Variants in ELP3 observed in about 807,000 individuals in gnomAD.
ELP3 encodes the protein elongator acetyltransferase complex subunit 3.
ELP3 carries 56 observed loss-of-function variants against 74.9 expected under a neutral mutation model. The observed-to-expected ratio is 0.75, with a 90% CI of 0.60 to 0.93. The LOEUF (loss-of-function observed/expected upper bound fraction) is 0.93. Among genes scored for constraint, ELP3 ranks in the 40% least tolerant of loss-of-function variants. The probability of loss-of-function intolerance (pLI) is 0.00; values close to 1 mark genes in which losing one functional copy is unlikely to be tolerated. For synonymous variants in ELP3, 222 were observed against 239.8 expected, an observed-to-expected ratio of 0.93 and a Z score of 0.68; for missense variants, 573 against 686.5, an observed-to-expected ratio of 0.83 and a Z score of 1.85.
chr8:28,101,234 G>A (rs571214684), intron 3 of ELP3, among the ~76,000 whole-genome samples: 23 of 151,690 alleles, frequency 1.5e-4, no homozygotes, highest in Middle Eastern at 3.4e-3. Context: ...CTAACACGAC[G>A]AAAGCCCATC....
rs540566606 is a variant in ELP3, at chr8:28,118,188, A to T, written c.617+5015A>T. Reference sequence around the variant, plus strand: ...TTAATTTTAAATTAGGTTAAAAATGATGTATTGTGACCTATGAGTCAGCAA... The same window carrying T: ...TTAATTTTAAATTAGGTTAAAAATGTTGTATTGTGACCTATGAGTCAGCAA... On this transcript the variant is annotated intron_variant, in intron 7 of 14. Coordinates refer to ENST00000256398, the MANE Select transcript of ELP3 (RefSeq NM_018091.6). 5.9e-5 allele frequency among the ~76,000 whole-genome samples: 9 copies of T among 152,322 alleles called. No homozygotes were observed. In the South Asian group the frequency reaches 1.9e-3, roughly 32 times the overall value.
chr8:28,099,737 A>C, intron 2 of ELP3, 91 bp from the exon 3 acceptor site: 1 of 1,378,760 alleles, frequency 7.3e-7, no homozygotes, highest in Non-Finnish European at 1.0e-6. Context: ...GGAGAGTGAC[A>C]GTTGTTAATG....
chr8:28,189,619 G>C, intron 14 of ELP3, 30 bp from the exon 15 acceptor site: 1 of 1,611,218 alleles, frequency 6.2e-7, no homozygotes, highest in Non-Finnish European at 8.5e-7. Flanking sequence ...TAAAGTGAAT[G>C]CTCCTTTTTT....
intron 14 of ELP3, among the ~76,000 whole-genome samples, chr8:28,186,918 C>T (rs377281818): frequency 1.3e-5 from 2 of 152,316 alleles, no homozygotes; most frequent in East Asian, 3.9e-4. Flanking sequence ...ACCCATAGCA[C>T]TCCCTGTGTC....
intron 10 of ELP3, among the ~76,000 whole-genome samples, chr8:28,153,754 G>A (rs942193976): frequency 1.3e-5 from 2 of 152,186 alleles, no homozygotes; most frequent in South Asian, 2.1e-4. Flanking sequence ...CTTAAAAACC[G>A]TGTTTTCTAC....
chr8:28,164,785 AAGG>A (rs1053757140), intron 14 of ELP3, among the ~76,000 whole-genome samples: 1 of 152,160 alleles, frequency 6.6e-6, no homozygotes, highest in Non-Finnish European at 1.5e-5. Flanking sequence ...TAAGAACTTC[AAGG>A]AGGGCAGATG....
At chr8:28,095,018 T>G (rs894122337) in intron 1 of ELP3, among the ~76,000 whole-genome samples, 3 of 152,262 alleles carry the variant, frequency 2.0e-5, no homozygotes, top group African/African-American at 7.2e-5. Flanking sequence ...TTGCATTCCA[T>G]TTCAATGCCT....
intron 14 of ELP3, among the ~76,000 whole-genome samples, chr8:28,178,756 A>G (rs1814868374): frequency 6.6e-6 from 1 of 152,198 alleles, no homozygotes; most frequent in African/African-American, 2.4e-5. Flanking sequence ...ACAATTTTTC[A>G]CTACTACAGG....
intron 10 of ELP3, among the ~76,000 whole-genome samples, chr8:28,149,679 A>C (rs1813568461): frequency 2.0e-5 from 3 of 151,576 alleles, no homozygotes; most frequent in South Asian, 4.2e-4. Context: ...TTCAATTTCC[A>C]CTCTAATTCT....
At chr8:28,161,595 G>C (rs572395797) in intron 13 of ELP3, among the ~76,000 whole-genome samples, 1 of 139,340 alleles carries the variant, frequency 7.2e-6, no homozygotes, top group East Asian at 2.3e-4. Flanking sequence ...AACAGAGGGA[G>C]ATTCCGTCTC....
Position 28,163,460 on chromosome 8 carries a change from A to G in ELP3, c.1567+1382A>G, listed in dbSNP as rs183681850. On this transcript the variant is annotated intron_variant, in intron 14 of 14. Coordinates refer to ENST00000256398, the MANE Select transcript of ELP3 (RefSeq NM_018091.6). ...TATAATTATGAAAATGTAATGACTC[A>G]GGCTCACTTATAATCATTTAGTGTG... is the stretch of plus-strand genomic sequence containing the variant. 2.7e-3 allele frequency among the ~76,000 whole-genome samples: 416 copies of G among 151,950 alleles called. 1 individual carries two copies. The highest frequency in any genetic ancestry group is 9.1e-3 in the African/African-American group (378 of 41,438).
chr8:28,162,091 G>A lies in ELP3; in HGVS notation c.1567+13G>A. 2 of 1,613,778 alleles carry A rather than the reference G, an allele frequency of 1.2e-6. No homozygotes were observed. The highest frequency in any genetic ancestry group is 1.1e-5 in the South Asian group (1 of 91,042). ...GCTGTGATATCAGGTAACTGGGGGA[G>A]GGCGAAGTTCATGATTCCTTCCCAT... On this transcript the variant is annotated intron_variant, in intron 14 of 14. Coordinates refer to ENST00000256398, the MANE Select transcript of ELP3 (RefSeq NM_018091.6).
At chr8:28,095,981 C>T (rs902767040) in intron 1 of ELP3, among the ~76,000 whole-genome samples, 1 of 152,218 alleles carries the variant, frequency 6.6e-6, no homozygotes, top group Non-Finnish European at 1.5e-5. Context: ...GCAAGTGAAG[C>T]TTCATCAGTA....
At chr8:28,132,221 A>C in intron 8 of ELP3, 57 bp from the exon 9 acceptor site, 1 of 1,587,380 alleles carries the variant, frequency 6.3e-7, no homozygotes, top group Admixed American at 1.7e-5. Flanking sequence ...TTATTTGTGT[A>C]ACAGATGTTA....
intron 7 of ELP3, among the ~76,000 whole-genome samples, chr8:28,120,055 T>G (rs1156793777): frequency 6.6e-6 from 1 of 152,236 alleles, no homozygotes; most frequent in African/African-American, 2.4e-5. Flanking sequence ...AACTTCAGCG[T>G]ACGTTCTTGT....
chr8:28,172,454 C>T (rs1814567663), intron 14 of ELP3, among the ~76,000 whole-genome samples: 2 of 152,012 alleles, frequency 1.3e-5, no homozygotes, highest in African/African-American at 4.8e-5. Context: ...TCATTGTAAG[C>T]ATATAGAAAT....
intron 14 of ELP3, among the ~76,000 whole-genome samples, chr8:28,183,762 C>T (rs894732817): frequency 3.3e-5 from 5 of 152,248 alleles, no homozygotes; most frequent in African/African-American, 1.2e-4. Flanking sequence ...TAGCAGGGCA[C>T]CCTGAGGCCG....
intron 10 of ELP3, among the ~76,000 whole-genome samples, chr8:28,139,700 T>A (rs1182513218): frequency 6.6e-6 from 1 of 151,974 alleles, no homozygotes; most frequent in Non-Finnish European, 1.5e-5. Flanking sequence ...ATCCCAGCAT[T>A]TTGGGAGGCC....
At chr8:28,173,450 C>T (rs1458482627) in intron 14 of ELP3, among the ~76,000 whole-genome samples, 1 of 151,674 alleles carries the variant, frequency 6.6e-6, no homozygotes, top group Non-Finnish European at 1.5e-5. Context: ...AGTTATGCCC[C>T]CTCTTTTATT....
Sources: allele counts gnomAD v4.1 joint callset (sites outside exome capture counted in the v4.1 genomes callset), GRCh38; gene constraint gnomAD v4.1.1; transcripts MANE v1.5; gene names NCBI Gene and HGNC (gene_info 2026-07-23, HGNC 2026-07-21).